The following EEIG1 variants were observed in gnomAD, a reference collection of about 807,000 sequenced individuals.
EEIG1 encodes the protein estrogen-induced osteoclastogenesis regulator 1.
the EEIG1 span, among the ~76,000 whole-genome samples, chr9:127,956,479 C>T: frequency 6.6e-6 from 1 of 152,132 alleles, no homozygotes; most frequent in South Asian, 2.1e-4. Flanking sequence ...GGCATAAACT[C>T]AGCTCACTGC....
chr9:127,950,598 A>T, the EEIG1 span: 3 of 1,588,292 alleles, frequency 1.9e-6, no homozygotes, highest in Admixed American at 1.7e-5. Flanking sequence ...TGGCTGGCGG[A>T]AGCCCAGAAG....
the EEIG1 span, among the ~76,000 whole-genome samples, chr9:127,971,231 A>G: frequency 6.6e-6 from 1 of 152,308 alleles, no homozygotes; most frequent in South Asian, 2.1e-4. Context: ...CCTCCTGAGC[A>G]GCCCTGTTTG....
At chr9:127,950,881 G>A in the EEIG1 span, among the ~76,000 whole-genome samples, 3 of 152,346 alleles carry the variant, frequency 2.0e-5, no homozygotes, top group South Asian at 2.1e-4. Context: ...CCGTGCTGTC[G>A]GGAGCTGCCG....
the EEIG1 span, among the ~76,000 whole-genome samples, chr9:127,955,055 G>A: frequency 2.6e-5 from 4 of 152,228 alleles, no homozygotes; most frequent in South Asian, 4.1e-4. Context: ...GCCTGGCAGA[G>A]CCCGTGCTCA....
the EEIG1 span, among the ~76,000 whole-genome samples, chr9:127,954,805 C>CTCTGG: frequency 6.6e-6 from 1 of 152,226 alleles, no homozygotes; most frequent in Non-Finnish European, 1.5e-5. Flanking sequence ...AAGCAGAGGG[C>CTCTGG]TCTGGTCTTC....
the EEIG1 span, chr9:127,943,085 A>T: frequency 1.9e-5 from 19 of 1,003,786 alleles, no homozygotes; most frequent in Non-Finnish European, 2.8e-5. Context: ...GGAGGCATGG[A>T]TGAGATGTGG....
chr9:127,979,998 G>A, the EEIG1 span: 2 of 1,612,418 alleles, frequency 1.2e-6, no homozygotes, highest in East Asian at 2.2e-5. Context: ...CTACCTTGAC[G>A]ACAAGCTGAC....
chr9:127,977,484 T>G, the EEIG1 span, among the ~76,000 whole-genome samples: 1,865 of 152,244 alleles, frequency 0.012, 108 homozygotes, highest in East Asian at 0.19. Context: ...TATTCCTCAA[T>G]GGGATCCAAG....
At chr9:127,953,919 C>T in the EEIG1 span, 1 of 1,613,830 alleles carries the variant, frequency 6.2e-7, no homozygotes, top group South Asian at 1.1e-5. Flanking sequence ...TCTCCTGTAC[C>T]TCCTCCCTGT....
chr9:127,953,340 A>G, the EEIG1 span: 1 of 566,604 alleles, frequency 1.8e-6, no homozygotes, highest in Non-Finnish European at 3.1e-6. Context: ...GAAAGGGGAC[A>G]GAAACTGGCC....
the EEIG1 span, among the ~76,000 whole-genome samples, chr9:127,968,783 C>T: frequency 2.0e-5 from 3 of 152,320 alleles, no homozygotes; most frequent in East Asian, 5.8e-4. Context: ...CAGACTCAGA[C>T]CTGTTTTCCT....
the EEIG1 span, among the ~76,000 whole-genome samples, chr9:127,952,177 T>C: frequency 3.2e-4 from 48 of 152,342 alleles, no homozygotes; most frequent in African/African-American, 1.1e-3. Context: ...GACAGCACCC[T>C]CCACAGCCTG....
the EEIG1 span, among the ~76,000 whole-genome samples, chr9:127,951,097 C>T: frequency 6.6e-6 from 1 of 151,998 alleles, no homozygotes; most frequent in Non-Finnish European, 1.5e-5. Flanking sequence ...GACAGAGGAT[C>T]GAGGGATGGG....
chr9:127,946,998 G>A, the EEIG1 span, among the ~76,000 whole-genome samples: 1 of 152,120 alleles, frequency 6.6e-6, no homozygotes, highest in African/African-American at 2.4e-5. Flanking sequence ...TTGGGGGCAG[G>A]CCAGAGCCTC....
chr9:127,977,092 T>C, the EEIG1 span, among the ~76,000 whole-genome samples: 4 of 152,174 alleles, frequency 2.6e-5, no homozygotes, highest in African/African-American at 4.8e-5. Flanking sequence ...AGCTCTAAAC[T>C]GGCCTCAGGT....
At chr9:127,973,733 A>C in the EEIG1 span, among the ~76,000 whole-genome samples, 4 of 152,200 alleles carry the variant, frequency 2.6e-5, no homozygotes, top group Non-Finnish European at 5.9e-5. This position sits in a 1 kb window ranked among gnomAD's most constrained non-coding sequence, Gnocchi z 4.2. Context: ...GAGGCCACCC[A>C]GCCCTGCCCA....
the EEIG1 span, among the ~76,000 whole-genome samples, chr9:127,958,025 C>T: frequency 6.6e-6 from 1 of 152,128 alleles, no homozygotes; most frequent in African/African-American, 2.4e-5. Context: ...AAAAAGAAAC[C>T]AACCTTCACT....
chr9:127,978,959 G>C, the EEIG1 span, among the ~76,000 whole-genome samples: 1 of 152,168 alleles, frequency 6.6e-6, no homozygotes, highest in Non-Finnish European at 1.5e-5. Context: ...AGAGGTTGCA[G>C]TGAGCCATGC....
chr9:127,975,585 C>A, the EEIG1 span, among the ~76,000 whole-genome samples: 1 of 152,144 alleles, frequency 6.6e-6, no homozygotes. Flanking sequence ...ATCAGCTCCT[C>A]CTGTAAGTGG....
Sources: allele counts gnomAD v4.1 joint callset (sites outside exome capture counted in the v4.1 genomes callset), GRCh38; gene constraint gnomAD v4.1.1; non-coding constraint Gnocchi (gnomAD v3.1); transcripts MANE v1.5; gene names NCBI Gene and HGNC (gene_info 2026-07-23, HGNC 2026-07-21).